PLEKHA5: variants seen among roughly 807,000 people sequenced by gnomAD.
PLEKHA5 encodes the protein pleckstrin homology domain containing A5.
In PLEKHA5, 55 loss-of-function variants were observed where a neutral mutation model predicts 181.9. The ratio of observed to expected loss-of-function variants is 0.30; its 90% CI spans 0.24 to 0.38. The LOEUF (loss-of-function observed/expected upper bound fraction) is 0.38. Among genes scored for constraint, PLEKHA5 ranks in the 10% least tolerant of loss-of-function variants. The probability of loss-of-function intolerance (pLI) is 1.00; values close to 1 mark genes in which losing one functional copy is unlikely to be tolerated. For synonymous variants in PLEKHA5, 535 were observed against 529.4 expected (o/e 1.01, Z -0.15); for missense variants, 1,432 against 1,549.5 (o/e 0.92, Z 1.27).
At chr12:19,221,169 A>G (rs1334318138) in intron 3 of PLEKHA5, among the ~76,000 whole-genome samples, 1 of 152,206 alleles carries the variant, frequency 6.6e-6, no homozygotes, top group African/African-American at 2.4e-5. Context: ...AGTTGAAAAC[A>G]TGTCCACACA....
intron 3 of PLEKHA5, among the ~76,000 whole-genome samples, chr12:19,134,198 C>T (rs1014048740): frequency 3.3e-5 from 5 of 151,834 alleles, no homozygotes; most frequent in Admixed American, 2.0e-4. Context: ...TTTTGTTTTA[C>T]GAGCCATTTT....
intron 25 of PLEKHA5, among the ~76,000 whole-genome samples, chr12:19,353,650 G>T (rs758717934): frequency 8.6e-5 from 13 of 151,768 alleles, no homozygotes; most frequent in Non-Finnish European, 1.8e-4. Flanking sequence ...GTGGAGACGG[G>T]GTTTCTCCAT....
chr12:19,215,920 T>C (rs2057882047), intron 3 of PLEKHA5, among the ~76,000 whole-genome samples: 1 of 152,238 alleles, frequency 6.6e-6, no homozygotes, highest in Non-Finnish European at 1.5e-5. Flanking sequence ...TGAATTACAT[T>C]TATTTTTATT....
At position 19,170,021 on chromosome 12, in the gene PLEKHA5, G is replaced by T. The variant is rs1188529018; in HGVS notation, c.227+37571G>T. Among the ~76,000 whole-genome samples, 5 of 152,188 alleles carry T rather than the reference G, an allele frequency of 3.3e-5. No individual in the cohort carries two copies. The East Asian group carries it at 9.6e-4, about 29-fold the overall frequency. ...CATATTTAGTCAGTACTTATTATCT[G>T]TTGTTAATTATGTGTAGTCTAACTG... On this transcript the variant is annotated intron_variant, in intron 3 of 31. Transcript: ENST00000429027.
chr12:19,275,778 A>C (rs76792980), intron 11 of PLEKHA5, among the ~76,000 whole-genome samples: 1 of 152,162 alleles, frequency 6.6e-6, no homozygotes, highest in Non-Finnish European at 1.5e-5. Flanking sequence ...AAAAAAAAAA[A>C]TGTAAATATA....
Position 19,260,947 on chromosome 12 carries a change from A to C in PLEKHA5, c.538-2A>C. 6.4e-7 allele frequency: 1 copy of C among 1,567,226 alleles called. No individual in the cohort carries two copies. The highest frequency in any genetic ancestry group is 1.3e-5 in the African/African-American group (1 of 74,454). On this transcript the variant is annotated splice_acceptor_variant, in intron 6 of 31. Transcript: ENST00000429027. LOFTEE classifies it high-confidence loss of function. ...ATCCTTAAATATGCTGATTTAATCCAGGACAGTACTGGCATGAAATTGTGG... is the reference window on the plus strand; with the variant it reads ...ATCCTTAAATATGCTGATTTAATCCCGGACAGTACTGGCATGAAATTGTGG...
At chr12:19,305,297 T>C (rs1310056360) in intron 15 of PLEKHA5, among the ~76,000 whole-genome samples, 1 of 152,190 alleles carries the variant, frequency 6.6e-6, no homozygotes, top group Non-Finnish European at 1.5e-5. Flanking sequence ...GTGCAGTGGC[T>C]CACGCCTGTA....
intron 29 of PLEKHA5, among the ~76,000 whole-genome samples, 185 bp from the exon 30 acceptor site, chr12:19,365,779 A>G (rs2095407910): frequency 6.6e-6 from 1 of 152,230 alleles, no homozygotes; most frequent in Non-Finnish European, 1.5e-5. Context: ...AATTATTGAA[A>G]TGAATATACA....
rs2093564171 is a variant in PLEKHA5 at position 19,337,749 on chromosome 12, C to A, written c.2550+1133C>A. 2.0e-5 allele frequency among the ~76,000 whole-genome samples: 3 copies of A among 151,872 alleles called. No individual in the cohort carries two copies. The South Asian group carries it at 6.2e-4, about 32-fold the overall frequency. ...AATGAAAAATTAGTTAAGTTCAAGA[C>A]CAACCAGCCTGACCAACATGGGGAA... On this transcript the variant is annotated intron_variant, in intron 21 of 31. Coordinates refer to ENST00000429027, the MANE Select transcript of PLEKHA5 (RefSeq NM_001256470.2).
rs539660301 is a variant in PLEKHA5, at chr12:19,307,288, C to T, written c.2038-7526C>T. ...AGGAGTTCGAGACCAACCTGACCAA[C>T]ATGGTGAAACCTTGTCTCTACTAAA... On this transcript the variant is annotated intron_variant, in intron 15 of 31. Coordinates refer to ENST00000429027, the MANE Select transcript of PLEKHA5 (RefSeq NM_001256470.2). The T allele has an allele frequency of 1.1e-3, 435 of 396,358 alleles. 2 individuals carry two copies. Among genetic ancestry groups the T allele is most frequent in the African/African-American group, 8.5e-3 (406 of 47,658 alleles). 24.6% of individuals were successfully genotyped at this position (396,358 alleles called of 1,614,324 possible).
intron 20 of PLEKHA5, among the ~76,000 whole-genome samples, chr12:19,327,674 T>G (rs1024566403): frequency 8.1e-5 from 12 of 148,098 alleles, no homozygotes; most frequent in Non-Finnish European, 1.3e-4. Flanking sequence ...AGACAGAGAC[T>G]CACTCTGTTG....
Position 19,208,434 on chromosome 12 carries a change from A to G in PLEKHA5, c.228-45506A>G, listed in dbSNP as rs559206881. Among the ~76,000 whole-genome samples the G allele has an allele frequency of 1.7e-3, 263 of 151,004 alleles. 2 individuals are homozygous for G. Among genetic ancestry groups the G allele is most frequent in the Middle Eastern group, 3.5e-3 (1 of 286 alleles). ...AAAAAAAAAAAAAGTTCATTTTTTC[A>G]CTCGAATTTAAACCTTCTGCCTCTT... On this transcript the variant is annotated intron_variant, in intron 3 of 31. Transcript: ENST00000429027.
At position 19,278,513 on chromosome 12, in the gene PLEKHA5, T is replaced by A. The variant is rs574737109; in HGVS notation, c.1313+3530T>A. On this transcript the variant is annotated intron_variant, in intron 11 of 31. Coordinates refer to ENST00000429027, the MANE Select transcript of PLEKHA5 (RefSeq NM_001256470.2). Reference sequence around the variant, plus strand: ...TTTGCATATTAAGCCTCCTGTAGTATTTCTTCAATTTATGAATGACCAAAC... The same window carrying A: ...TTTGCATATTAAGCCTCCTGTAGTAATTCTTCAATTTATGAATGACCAAAC... Among the ~76,000 whole-genome samples, 20 of 152,298 alleles carry A rather than the reference T, an allele frequency of 1.3e-4. 1 individual carries two copies. Among genetic ancestry groups the A allele is most frequent in the Middle Eastern group, 3.4e-3 (1 of 294 alleles).
chr12:19,271,532 T>C (rs1318829665), intron 10 of PLEKHA5, among the ~76,000 whole-genome samples: 1 of 152,098 alleles, frequency 6.6e-6, no homozygotes, highest in Non-Finnish European at 1.5e-5. Flanking sequence ...CTTCAATACT[T>C]TTAACTTCAA....
At chr12:19,131,884 A>C (rs1307289987) in intron 2 of PLEKHA5, among the ~76,000 whole-genome samples, 1 of 152,206 alleles carries the variant, frequency 6.6e-6, no homozygotes, top group Non-Finnish European at 1.5e-5. Context: ...TTAGAAACAC[A>C]CACGGAAGTA....
chr12:19,315,235 T>A (rs549525138), intron 16 of PLEKHA5, among the ~76,000 whole-genome samples: 1 of 152,288 alleles, frequency 6.6e-6, no homozygotes, highest in South Asian at 2.1e-4. Context: ...ATTATACCTA[T>A]TTTTTAGGGA....
At chr12:19,286,849 C>T (rs757324775) in intron 12 of PLEKHA5, among the ~76,000 whole-genome samples, 2 of 151,690 alleles carry the variant, frequency 1.3e-5, no homozygotes, top group Non-Finnish European at 2.9e-5. Context: ...GCCTGTAATC[C>T]CAGCTACTTG....
chr12:19,147,502 T>C (rs1027425189), intron 3 of PLEKHA5, among the ~76,000 whole-genome samples: 3 of 152,140 alleles, frequency 2.0e-5, no homozygotes, highest in African/African-American at 7.2e-5. Flanking sequence ...AAAGGCAGTA[T>C]GTGGTATAGG....
intron 3 of PLEKHA5, among the ~76,000 whole-genome samples, chr12:19,137,251 G>A (rs1393610172): frequency 6.6e-6 from 1 of 152,066 alleles, no homozygotes; most frequent in African/African-American, 2.4e-5. Flanking sequence ...TGGCCAGGCT[G>A]GTCTCAAACT....
Sources: gnomAD v4.1 joint callset for allele counts (sites outside exome capture counted in the v4.1 genomes callset) on GRCh38, gnomAD v4.1.1 for gene constraint, MANE v1.5 for transcripts, NCBI Gene and HGNC (gene_info 2026-07-23, HGNC 2026-07-21) for gene names.